The following KLF8 variants were observed in gnomAD, a reference collection of about 807,000 sequenced individuals.
The protein encoded by KLF8 is KLF transcription factor 8.
In KLF8, 10 loss-of-function variants were observed where a neutral mutation model predicts 18.2. The ratio of observed to expected loss-of-function variants is 0.55; its 90% CI spans 0.34 to 0.93. The LOEUF is 0.93. Ranked by LOEUF, KLF8 falls within the 40% of genes least tolerant of loss-of-function variation. The pLI, the probability that KLF8 is intolerant of heterozygous loss-of-function variation, is 0.02. For synonymous variants in KLF8, 109 were observed against 97.3 expected (o/e 1.12, Z -0.71); for missense variants, 264 against 277.9 (o/e 0.95, Z 0.36).
the KLF8 span, among the ~76,000 whole-genome samples, chrX:56,140,812 A>AAG: frequency 9.5e-6 from 1 of 104,977 alleles, no homozygotes; most frequent in Admixed American, 1.0e-4. Flanking sequence ...AAAAAAAAAA[A>AAG]AAAAAAAGAA....
At chrX:56,019,807 G>T in the KLF8 span, among the ~76,000 whole-genome samples, 1 of 111,964 alleles carries the variant, frequency 8.9e-6, no homozygotes, top group South Asian at 3.7e-4. Flanking sequence ...GTAAGGGAAA[G>T]GAATGTAACA....
chrX:56,272,374 C>T (rs1348587623), intron 5 of KLF8, among the ~76,000 whole-genome samples: 1 of 111,077 alleles, frequency 9.0e-6, no homozygotes, highest in Non-Finnish European at 1.9e-5. Flanking sequence ...CCTTGCCCAG[C>T]TAATTTTTCT....
chrX:56,031,395 G>T, the KLF8 span, among the ~76,000 whole-genome samples: 1 of 112,227 alleles, frequency 8.9e-6, no homozygotes, highest in Admixed American at 9.4e-5. Context: ...CATGCTGTGG[G>T]TGGTCAGGCC....
At chrX:56,156,228 TC>T in the KLF8 span, among the ~76,000 whole-genome samples, 2 of 112,484 alleles carry the variant, frequency 1.8e-5, no homozygotes, top group Non-Finnish European at 3.7e-5. Context: ...AGCAGCAATT[TC>T]TTTTTTGTTT....
At chrX:56,226,707 C>A in the KLF8 span, among the ~76,000 whole-genome samples, 17 of 112,125 alleles carry the variant, frequency 1.5e-4, 1 homozygote, top group Admixed American at 3.8e-4. Context: ...AAACAGGTAT[C>A]GTTGCTTATA....
At chrX:55,973,327 A>G in the KLF8 span, among the ~76,000 whole-genome samples, 3 of 112,238 alleles carry the variant, frequency 2.7e-5, no homozygotes, top group Non-Finnish European at 5.6e-5. Context: ...TCCAAAAGCA[A>G]TATCAACAAA....
the KLF8 span, among the ~76,000 whole-genome samples, chrX:56,078,139 C>A: frequency 9.0e-5 from 10 of 111,653 alleles, no homozygotes; most frequent in Admixed American, 6.7e-4. Context: ...TTATTTCCTT[C>A]TCCTGCCTAA....
chrX:56,200,003 G>T, the KLF8 span, among the ~76,000 whole-genome samples: 2 of 111,365 alleles, frequency 1.8e-5, no homozygotes, highest in African/African-American at 6.5e-5. Flanking sequence ...AACACTACAT[G>T]TTCTCACTCA....
chrX:56,256,685 A>T (rs2147625168), intron 2 of KLF8, among the ~76,000 whole-genome samples: 1 of 111,562 alleles, frequency 9.0e-6, no homozygotes, highest in East Asian at 2.8e-4. Flanking sequence ...GTCATTCAGG[A>T]GCAATTTTTG....
the KLF8 span, among the ~76,000 whole-genome samples, chrX:56,009,623 C>T: frequency 8.0e-5 from 9 of 111,897 alleles, no homozygotes; most frequent in African/African-American, 2.6e-4. Flanking sequence ...GATGAATTGA[C>T]AGAAGTAGGC....
the KLF8 span, among the ~76,000 whole-genome samples, chrX:56,195,626 G>A: frequency 8.0e-5 from 9 of 112,201 alleles, no homozygotes; most frequent in Non-Finnish European, 1.7e-4. Context: ...TGAAAGTGAT[G>A]GGGAGAATGG....
the KLF8 span, among the ~76,000 whole-genome samples, chrX:55,956,212 CATCT>C: frequency 2.1e-4 from 23 of 108,732 alleles, no homozygotes; most frequent in Admixed American, 7.0e-4. Flanking sequence ...ATCTATCTAT[CATCT>C]ATCTATCTGT....
At chrX:56,211,437 C>A in the KLF8 span, among the ~76,000 whole-genome samples, 1 of 112,530 alleles carries the variant, frequency 8.9e-6, no homozygotes, top group East Asian at 2.8e-4. Context: ...GACACAAGAA[C>A]CTCTGTGACT....
At chrX:55,924,247 T>C in the KLF8 span, among the ~76,000 whole-genome samples, 2 of 110,605 alleles carry the variant, frequency 1.8e-5, no homozygotes, top group African/African-American at 6.6e-5. Flanking sequence ...TTTATTTTTA[T>C]TTTTATTTTT....
the KLF8 span, among the ~76,000 whole-genome samples, chrX:56,147,479 AAAT>A: frequency 3.6e-5 from 4 of 112,325 alleles, no homozygotes; most frequent in African/African-American, 1.3e-4. Context: ...ACAAAACAAA[AAAT>A]AAAAAACATT....
chrX:56,239,236 C>T (rs2066515732), intron 1 of KLF8, among the ~76,000 whole-genome samples: 1 of 111,700 alleles, frequency 9.0e-6, no homozygotes, highest in Non-Finnish European at 1.9e-5. Flanking sequence ...CTTAAATCTC[C>T]AGGGCCCAGT....
the KLF8 span, among the ~76,000 whole-genome samples, chrX:56,053,405 T>A: frequency 8.9e-6 from 1 of 111,857 alleles, no homozygotes; most frequent in East Asian, 2.8e-4. Context: ...GCTGCCAGCT[T>A]CAGTTTGTCA....
the KLF8 span, among the ~76,000 whole-genome samples, chrX:55,993,840 A>T: frequency 9.2e-6 from 1 of 108,662 alleles, no homozygotes; most frequent in Non-Finnish European, 1.9e-5. Context: ...TTTCTGGTCA[A>T]TCTTGGGAGG....
In KLF8 at chrX:56,270,218, G is replaced by A. The variant is rs146271748; in HGVS notation, c.795G>A (p.Ser265=). 138 of 1,206,980 alleles carry A rather than the reference G, an allele frequency of 1.1e-4. No homozygotes were observed. The highest frequency in any genetic ancestry group is 6.9e-4 in the Middle Eastern group (3 of 4,343). ...AAMAQMQGEE[S]LDLKRRRIHQ... is the part of the protein sequence containing the mutation. ...TGGCCCAAATGCAGGGAGAAGAGTC[G>A]CTTGACTTGAAGAGAAGACGGATTC... The change falls in exon 5 of 6, where the codon TCG becomes TCA. Residue 265 remains serine (S), a synonymous_variant. Transcript: ENST00000468660.
Sources: allele counts gnomAD v4.1 joint callset (sites outside exome capture counted in the v4.1 genomes callset), GRCh38; gene constraint gnomAD v4.1.1; transcripts MANE v1.5; gene names NCBI Gene and HGNC (gene_info 2026-07-23, HGNC 2026-07-21).